The following ABTB3 variants were observed in gnomAD, a reference collection of about 807,000 sequenced individuals.
ABTB3 encodes ankyrin repeat and BTB domain containing 3.
the ABTB3 span, among the ~76,000 whole-genome samples, chr12:107,423,660 G>A: frequency 3.3e-5 from 5 of 152,192 alleles, no homozygotes; most frequent in African/African-American, 1.2e-4. Context: ...AAATGACCCT[G>A]GACATCAGGC....
At chr12:107,444,956 G>A in the ABTB3 span, among the ~76,000 whole-genome samples, 5 of 152,132 alleles carry the variant, frequency 3.3e-5, no homozygotes, top group African/African-American at 7.2e-5. Flanking sequence ...GATATGCGGC[G>A]GGGCCAGTCA....
At chr12:107,381,386 G>C in the ABTB3 span, among the ~76,000 whole-genome samples, 1 of 152,356 alleles carries the variant, frequency 6.6e-6, no homozygotes, top group South Asian at 2.1e-4. Context: ...CAAGGGCAGA[G>C]TAATCTGGGG....
chr12:107,473,150 AT>A, the ABTB3 span, among the ~76,000 whole-genome samples: 1 of 152,080 alleles, frequency 6.6e-6, no homozygotes, highest in East Asian at 1.9e-4. Context: ...GGGCAAGATT[AT>A]TTTTTAATTG....
At chr12:107,512,777 T>C in the ABTB3 span, among the ~76,000 whole-genome samples, 1 of 152,202 alleles carries the variant, frequency 6.6e-6, no homozygotes, top group Non-Finnish European at 1.5e-5. Flanking sequence ...CCCTATAAAG[T>C]AGAGATAATA....
chr12:107,442,969 G>A, the ABTB3 span, among the ~76,000 whole-genome samples: 11 of 152,178 alleles, frequency 7.2e-5, no homozygotes, highest in East Asian at 3.9e-4. Context: ...TCCATAGAGC[G>A]CACCTTCTTG....
the ABTB3 span, among the ~76,000 whole-genome samples, chr12:107,502,780 TG>T: frequency 6.6e-6 from 1 of 152,130 alleles, no homozygotes; most frequent in Non-Finnish European, 1.5e-5. Flanking sequence ...GGATCTAGCT[TG>T]TATGATCCTT....
At chr12:107,581,055 G>A in the ABTB3 span, 4 of 1,542,692 alleles carry the variant, frequency 2.6e-6, no homozygotes, top group East Asian at 2.7e-5. Flanking sequence ...GTCGGGAGAT[G>A]GGGGGATCCC....
the ABTB3 span, among the ~76,000 whole-genome samples, chr12:107,412,996 C>T: frequency 6.6e-5 from 10 of 152,106 alleles, no homozygotes; most frequent in African/African-American, 2.4e-4. Context: ...GCATTGAGGC[C>T]GGGCGCGGTG....
At chr12:107,363,226 C>A in the ABTB3 span, among the ~76,000 whole-genome samples, 27,975 of 152,236 alleles carry the variant, frequency 0.18, 3,140 homozygotes, top group East Asian at 0.32. Flanking sequence ...GAAAGAACCA[C>A]TTCACCATGT....
At chr12:107,427,884 G>A in the ABTB3 span, among the ~76,000 whole-genome samples, 1 of 152,168 alleles carries the variant, frequency 6.6e-6, no homozygotes, top group Non-Finnish European at 1.5e-5. Flanking sequence ...GTGTTCCCTG[G>A]ATGCTGACCA....
At chr12:107,386,365 A>G in the ABTB3 span, among the ~76,000 whole-genome samples, 1 of 152,254 alleles carries the variant, frequency 6.6e-6, no homozygotes, top group Non-Finnish European at 1.5e-5. Context: ...CAGTGAGGGC[A>G]GGCATCTTGC....
the ABTB3 span, among the ~76,000 whole-genome samples, chr12:107,628,219 C>A: frequency 1.3e-5 from 2 of 152,234 alleles, no homozygotes; most frequent in East Asian, 3.8e-4. Flanking sequence ...CCACTCACTG[C>A]AACCTCTGCC....
the ABTB3 span, among the ~76,000 whole-genome samples, chr12:107,432,209 G>T: frequency 2.0e-5 from 3 of 152,188 alleles, no homozygotes. Flanking sequence ...CCTTCCTGGT[G>T]TAGCCAGGTG....
the ABTB3 span, among the ~76,000 whole-genome samples, chr12:107,465,101 G>T: frequency 7.2e-5 from 11 of 152,130 alleles, no homozygotes; most frequent in Admixed American, 4.6e-4. Flanking sequence ...GAGGGCCTTG[G>T]GTGCCATGGC....
the ABTB3 span, among the ~76,000 whole-genome samples, chr12:107,541,201 C>T: frequency 6.6e-6 from 1 of 152,322 alleles, no homozygotes; most frequent in East Asian, 1.9e-4. Context: ...AGTCCTAAGC[C>T]TTCGGAGGAG....
chr12:107,526,352 G>T, the ABTB3 span, among the ~76,000 whole-genome samples: 1 of 152,300 alleles, frequency 6.6e-6, no homozygotes, highest in South Asian at 2.1e-4. Context: ...GGACTTCACA[G>T]TTGACTTAGA....
At chr12:107,581,276 G>A in the ABTB3 span, 4 of 1,477,034 alleles carry the variant, frequency 2.7e-6, no homozygotes, top group Non-Finnish European at 3.6e-6. Context: ...GCTGCTGCCC[G>A]GCGTGGACTG....
At chr12:107,523,770 G>A in the ABTB3 span, among the ~76,000 whole-genome samples, 5 of 152,188 alleles carry the variant, frequency 3.3e-5, no homozygotes, top group African/African-American at 1.2e-4. Flanking sequence ...GAGAGACATT[G>A]CTGTAAGACG....
chr12:107,498,467 A>G, the ABTB3 span, among the ~76,000 whole-genome samples: 1 of 152,234 alleles, frequency 6.6e-6, no homozygotes, highest in Non-Finnish European at 1.5e-5. Context: ...TCCTAAGACA[A>G]CAGAAATTTA....
Sources: gnomAD v4.1 joint callset for allele counts (sites outside exome capture counted in the v4.1 genomes callset) on GRCh38, gnomAD v4.1.1 for gene constraint, MANE v1.5 for transcripts, NCBI Gene and HGNC (gene_info 2026-07-23, HGNC 2026-07-21) for gene names.